Variants in DAOA observed in about 807,000 individuals in gnomAD.
DAOA encodes D-amino acid oxidase regulator.
Under a neutral mutation model 16.4 loss-of-function variants are expected in DAOA, and 15 were observed. That is an observed-to-expected ratio of 0.91 (90% CI 0.61 to 1.41). DAOA has a LOEUF of 1.41. Ranked by LOEUF, DAOA falls within the 40% of genes most tolerant of loss-of-function variation. DAOA has a pLI of 0.00. For synonymous variants in DAOA, 75 were observed against 59.1 expected, an observed-to-expected ratio of 1.27 and a Z score of -1.23; for missense variants, 230 against 176.8, an observed-to-expected ratio of 1.30 and a Z score of -1.71.
chr13:105,481,587 C>G (rs1332605508), intron 4 of DAOA, among the ~76,000 whole-genome samples: 1 of 152,162 alleles, frequency 6.6e-6, no homozygotes. Context: ...AACAGACTCC[C>G]TTAATATCCC....
At chr13:105,471,873 C>T (rs145656961) in intron 3 of DAOA, among the ~76,000 whole-genome samples, 3 of 152,334 alleles carry the variant, frequency 2.0e-5, no homozygotes, top group Middle Eastern at 3.4e-3. Context: ...TCTTGGAAGA[C>T]TCTGCTAGTC....
At chr13:105,466,372 T>G (rs1267020795) in intron 2 of DAOA, 40 bp downstream of exon 2, 1 of 1,613,388 alleles carries the variant, frequency 6.2e-7, no homozygotes, top group Non-Finnish European at 8.5e-7. Context: ...GCGGCCTCAG[T>G]GCAATGTGAC....
rs758987991 is a variant in DAOA at position 105,489,960 on chromosome 13, T to C, written c.341T>C (p.Leu114Pro). 1 of 1,613,836 alleles carries C rather than the reference T, an allele frequency of 6.2e-7. No homozygotes were observed. The highest frequency in any genetic ancestry group is 2.2e-5 in the East Asian group (1 of 44,850). ...KVFMARNYEF[L>P]AYEASKDRRQ... is the part of the protein sequence containing the mutation. The stretch of plus-strand genomic sequence containing the variant: ...TTCATGGCAAGAAACTATGAGTTCC[T>C]TGCCTATGAGGCCTCTAAGGACCGC... Residue 114 changes from leucine (L) to proline (P), a missense_variant, in exon 5 of 6, where the codon CTT becomes CCT. Coordinates refer to ENST00000375936, the MANE Select transcript of DAOA (RefSeq NM_172370.5).
intron 3 of DAOA, among the ~76,000 whole-genome samples, chr13:105,469,360 C>CT (rs1876765624): frequency 1.3e-5 from 2 of 152,126 alleles, no homozygotes; most frequent in African/African-American, 4.8e-5. Context: ...TTTATTTGGG[C>CT]TTTATTTTCT....
chr13:105,471,630 A>G (rs966433640), intron 3 of DAOA, among the ~76,000 whole-genome samples: 8 of 152,256 alleles, frequency 5.3e-5, no homozygotes, highest in African/African-American at 1.9e-4. Flanking sequence ...ATGAACATGA[A>G]TCAAAGATTT....
chr13:105,474,819 T>C (rs1594109117), intron 4 of DAOA, among the ~76,000 whole-genome samples: 1 of 151,850 alleles, frequency 6.6e-6, no homozygotes, highest in East Asian at 1.9e-4. Flanking sequence ...GTTGAAGGAG[T>C]GTTTTCACAA....
intron 4 of DAOA, among the ~76,000 whole-genome samples, chr13:105,488,694 A>G (rs568049129): frequency 2.4e-4 from 37 of 152,322 alleles, no homozygotes; most frequent in Admixed American, 8.5e-4. Context: ...ACTCCACTGG[A>G]AAAGTGAAAA....
chr13:105,482,030 AAG>A (rs908783897), intron 4 of DAOA, among the ~76,000 whole-genome samples: 1 of 152,166 alleles, frequency 6.6e-6, no homozygotes, highest in Non-Finnish European at 1.5e-5. Context: ...GGCAGCAGTC[AAG>A]AGAGAGAGCC....
At chr13:105,475,518 C>G (rs1207689482) in intron 4 of DAOA, among the ~76,000 whole-genome samples, 4 of 152,060 alleles carry the variant, frequency 2.6e-5, no homozygotes, top group Non-Finnish European at 4.4e-5. Context: ...ATGAGATCCT[C>G]TAAGCAAATT....
intron 4 of DAOA, chr13:105,477,186 T>G (rs1877398817): frequency 6.6e-6 from 1 of 152,164 alleles, no homozygotes; most frequent in Non-Finnish European, 1.5e-5. Flanking sequence ...AAAACCATCC[T>G]GCTACCAGAC....
In DAOA at chr13:105,486,986, A is replaced by C. The variant is rs80056816; in HGVS notation, c.282-2915A>C. Among the ~76,000 whole-genome samples the C allele has an allele frequency of 1.0e-3, 153 of 152,130 alleles. 4 individuals carry two copies. The East Asian group carries it at 0.015, about 15-fold the overall frequency. ...TCTCCCCTCTCCATTACAGGTCTAC[A>C]TTTCCAAACAATTCCATGGGTAACC... On this transcript the variant is annotated intron_variant, in intron 4 of 5. Transcript: ENST00000375936.
chr13:105,479,766 A>C (rs964598956), intron 4 of DAOA, among the ~76,000 whole-genome samples: 1 of 152,118 alleles, frequency 6.6e-6, no homozygotes, highest in Non-Finnish European at 1.5e-5. Flanking sequence ...AAATGACATA[A>C]ATTTTGAGGG....
intron 4 of DAOA, among the ~76,000 whole-genome samples, chr13:105,484,815 A>G (rs1481794174): frequency 6.6e-6 from 1 of 152,134 alleles, no homozygotes; most frequent in Non-Finnish European, 1.5e-5. Context: ...CCTTACTACT[A>G]TGAATTCAAA....
chr13:105,468,094 A>G (rs1157875728), intron 3 of DAOA, among the ~76,000 whole-genome samples: 1 of 152,034 alleles, frequency 6.6e-6, no homozygotes, highest in Admixed American at 6.6e-5. Flanking sequence ...TGCTTCTCTG[A>G]CCACTCTTCT....
intron 3 of DAOA, 84 bp downstream of exon 3, chr13:105,467,225 C>T: frequency 7.3e-7 from 1 of 1,377,098 alleles, no homozygotes; most frequent in Non-Finnish European, 9.8e-7. Flanking sequence ...ATACTTTTGA[C>T]ATATTTTCAA....
intron 4 of DAOA, among the ~76,000 whole-genome samples, chr13:105,478,112 C>T (rs1594111680): frequency 6.6e-6 from 1 of 152,098 alleles, no homozygotes; most frequent in Admixed American, 6.5e-5. Context: ...TATTTTAAGC[C>T]AAAGCAGCCT....
In DAOA at chr13:105,472,807, T is replaced by C. The variant is rs940333631; in HGVS notation, c.281+122T>C. ...GATTATACTTCATGTTGAACTTTTA[T>C]CTAGCTCAGAGATTATTTGTCTATT... On this transcript the variant is annotated intron_variant, in intron 4 of 5. Transcript: ENST00000375936. The C allele has an allele frequency of 6.3e-6, 5 of 798,326 alleles. No homozygotes were observed. The African/African-American group carries it at 8.8e-5, about 14-fold the overall frequency. 49.5% of individuals were successfully genotyped at this position (798,326 alleles called of 1,614,324 possible).
At chr13:105,478,631 G>T (rs7986834) in intron 4 of DAOA, among the ~76,000 whole-genome samples, 41,839 of 151,992 alleles carry the variant, frequency 0.28, 5,888 homozygotes, top group Non-Finnish European at 0.29. Context: ...TCCATGGAAG[G>T]GTAGTGTGAA....
At chr13:105,481,629 C>G (rs1877751923) in intron 4 of DAOA, among the ~76,000 whole-genome samples, 1 of 152,164 alleles carries the variant, frequency 6.6e-6, no homozygotes, top group Non-Finnish European at 1.5e-5. Flanking sequence ...AACCCATCTG[C>G]TCTTATCTCT....
Sources: allele counts gnomAD v4.1 joint callset (sites outside exome capture counted in the v4.1 genomes callset), GRCh38; gene constraint gnomAD v4.1.1; transcripts MANE v1.5; gene names NCBI Gene and HGNC (gene_info 2026-07-23, HGNC 2026-07-21).